Variants in NRG2 observed in about 807,000 individuals in gnomAD.
NRG2 encodes the protein neuregulin 2.
Under a neutral mutation model 73.9 loss-of-function variants are expected in NRG2, and 27 were observed. The ratio of observed to expected loss-of-function variants is 0.37; its 90% CI spans 0.27 to 0.50. The LOEUF is 0.50. Among genes scored for constraint, NRG2 ranks in the 20% least tolerant of loss-of-function variants. NRG2 has a pLI of 0.96. For synonymous variants in NRG2, 532 were observed against 541.0 expected, an observed-to-expected ratio of 0.98 and a Z score of 0.23; for missense variants, 1,126 against 1,210.1, an observed-to-expected ratio of 0.93 and a Z score of 1.03.
chr5:139,945,881 A>C (rs938022552), intron 1 of NRG2, among the ~76,000 whole-genome samples: 6 of 152,138 alleles, frequency 3.9e-5, no homozygotes, highest in Admixed American at 1.3e-4. Context: ...AAAAAGAGTA[A>C]TGTAACTAGG....
At chr5:139,999,209 T>C (rs1266949297) in intron 1 of NRG2, among the ~76,000 whole-genome samples, 1 of 151,796 alleles carries the variant, frequency 6.6e-6, no homozygotes, top group Non-Finnish European at 1.5e-5. Flanking sequence ...TACACCCTAA[T>C]AACAGTTTAT....
rs531403937 is a variant in NRG2 at position 139,887,002 on chromosome 5, A to G, written c.872+338T>C. Among the ~76,000 whole-genome samples the G allele has an allele frequency of 6.6e-6, 1 of 152,304 alleles. No homozygotes were observed. The highest frequency in any genetic ancestry group is 6.5e-5 in the Admixed American group (1 of 15,300). On this transcript the variant is annotated intron_variant, in intron 2 of 9. Coordinates refer to ENST00000361474, the MANE Select transcript of NRG2 (RefSeq NM_004883.3). This position sits in a 1 kb window ranked among gnomAD's most constrained non-coding sequence, Gnocchi z 4.5. ...GATTGCCAAATGTTGGGGCTTTCAG[A>G]CGCTACAGCAGGTTTTTCAAGAAGT...
chr5:139,971,949 A>T (rs767664996), intron 1 of NRG2, among the ~76,000 whole-genome samples: 1 of 152,188 alleles, frequency 6.6e-6, no homozygotes, highest in Non-Finnish European at 1.5e-5. Flanking sequence ...AAGAAGAACA[A>T]AAAAAGAGAA....
chr5:139,918,260 A>G (rs1482868092), intron 1 of NRG2, among the ~76,000 whole-genome samples: 2 of 152,212 alleles, frequency 1.3e-5, no homozygotes, highest in Non-Finnish European at 2.9e-5. Flanking sequence ...AATGGATGAC[A>G]GAGTTTAAAC....
At chr5:139,916,733 C>CT (rs1035423215) in intron 1 of NRG2, among the ~76,000 whole-genome samples, 15 of 152,080 alleles carry the variant, frequency 9.9e-5, no homozygotes, top group Non-Finnish European at 1.0e-4. Flanking sequence ...GTATTCATAC[C>CT]TTTTTTGTGG....
At chr5:140,010,925 T>C (rs1188986011) in intron 1 of NRG2, among the ~76,000 whole-genome samples, 2 of 152,246 alleles carry the variant, frequency 1.3e-5, no homozygotes, top group Non-Finnish European at 2.9e-5. Flanking sequence ...TCATAAGGCC[T>C]ACTGCCTTGC....
chr5:139,978,478 C>T (rs1756540388), intron 1 of NRG2, among the ~76,000 whole-genome samples: 1 of 152,152 alleles, frequency 6.6e-6, no homozygotes, highest in Non-Finnish European at 1.5e-5. Context: ...GAAATAGGAA[C>T]ACTTTTACAC....
chr5:139,886,108 G>C (rs1217990396), intron 2 of NRG2, among the ~76,000 whole-genome samples: 1 of 152,208 alleles, frequency 6.6e-6, no homozygotes, highest in African/African-American at 2.4e-5. Flanking sequence ...TTAGGAAGCG[G>C]CATTCTTTCA....
rs773678819 is a variant in NRG2 at position 139,856,888 on chromosome 5, TTGGA to T, written c.1190-1114_1190-1111del. ...CACGCCCATGCCCACTGACACACAG[TTGGA>T]TGGAGTTGTAAACAACCAGACCTCC... is the stretch of plus-strand genomic sequence containing the variant. On this transcript the variant is annotated intron_variant, in intron 5 of 9. Coordinates refer to ENST00000361474, the MANE Select transcript of NRG2 (RefSeq NM_004883.3). The surrounding 1 kb of genome is among the most constrained non-coding windows in gnomAD (Gnocchi z 4.2). 1.3e-5 allele frequency among the ~76,000 whole-genome samples: 2 copies of T among 152,164 alleles called. No homozygotes were observed. Among genetic ancestry groups the T allele is most frequent in the Non-Finnish European group, 2.9e-5 (2 of 68,026 alleles).
intron 1 of NRG2, among the ~76,000 whole-genome samples, chr5:139,899,626 C>T (rs1764751606): frequency 6.6e-6 from 1 of 152,208 alleles, no homozygotes; most frequent in Non-Finnish European, 1.5e-5. Context: ...CTGTTCACAC[C>T]TTACTGCCAC....
At chr5:139,973,642 G>A (rs1303358509) in intron 1 of NRG2, among the ~76,000 whole-genome samples, 1 of 152,228 alleles carries the variant, frequency 6.6e-6, no homozygotes, top group Non-Finnish European at 1.5e-5. Context: ...GATTACAGGT[G>A]TGAGCCACCG....
intron 9 of NRG2, among the ~76,000 whole-genome samples, chr5:139,850,181 C>T (rs1236737944): frequency 6.6e-6 from 1 of 152,246 alleles, no homozygotes; most frequent in East Asian, 1.9e-4. Flanking sequence ...TAGTGAGCAT[C>T]AGCTCCATGC....
At position 139,959,802 on chromosome 5, in the gene NRG2, C is replaced by T. The variant is rs7702155; in HGVS notation, c.701-72291G>A. ...TGTTGGGATTACAGGCGTGAGCCAC[C>T]GCGCCCAGCCGATTTCCCTGTCTTG... On this transcript the variant is annotated intron_variant, in intron 1 of 9. Transcript: ENST00000361474. 4.0e-3 allele frequency among the ~76,000 whole-genome samples: 615 copies of T among 152,314 alleles called. 3 individuals are homozygous for T. Among genetic ancestry groups the T allele is most frequent in the African/African-American group, 0.015 (603 of 41,558 alleles).
chr5:139,963,604 T>G (rs1169347961), intron 1 of NRG2, among the ~76,000 whole-genome samples: 2 of 152,212 alleles, frequency 1.3e-5, no homozygotes, highest in Non-Finnish European at 2.9e-5. Flanking sequence ...AAACACTTTA[T>G]ATGCATTTTC....
intron 5 of NRG2, among the ~76,000 whole-genome samples, chr5:139,864,801 C>T (rs1329835467): frequency 6.6e-6 from 1 of 152,098 alleles, no homozygotes; most frequent in East Asian, 1.9e-4. Context: ...CCCTTTGGTA[C>T]CCTCAGGCAG....
intron 3 of NRG2, among the ~76,000 whole-genome samples, chr5:139,872,692 G>A (rs919043280): frequency 6.6e-6 from 1 of 152,176 alleles, no homozygotes; most frequent in African/African-American, 2.4e-5. Context: ...GCAAGGCTGG[G>A]CCTTAAGGCT....
chr5:139,962,919 T>G (rs955781543), intron 1 of NRG2, among the ~76,000 whole-genome samples: 1 of 152,180 alleles, frequency 6.6e-6, no homozygotes, highest in Non-Finnish European at 1.5e-5. Context: ...GTTAAACATA[T>G]AACTTCTCTG....
chr5:139,888,358 G>C (rs1328133699), intron 1 of NRG2, among the ~76,000 whole-genome samples: 4 of 152,212 alleles, frequency 2.6e-5, no homozygotes, highest in Non-Finnish European at 5.9e-5. Context: ...AAGCCACATA[G>C]CCAGGCAGCC....
At chr5:139,967,296 C>T (rs1256789575) in intron 1 of NRG2, among the ~76,000 whole-genome samples, 1 of 152,154 alleles carries the variant, frequency 6.6e-6, no homozygotes, top group African/African-American at 2.4e-5. Flanking sequence ...AGGTAGATGT[C>T]CAACAAGTAC....
Sources: allele counts gnomAD v4.1 joint callset (sites outside exome capture counted in the v4.1 genomes callset), GRCh38; gene constraint gnomAD v4.1.1; non-coding constraint Gnocchi (gnomAD v3.1); transcripts MANE v1.5; gene names NCBI Gene and HGNC (gene_info 2026-07-23, HGNC 2026-07-21).